The following ABCA10 variants were observed in gnomAD, a reference collection of about 807,000 sequenced individuals.
ABCA10 encodes ATP binding cassette subfamily A member 10.
In ABCA10, 169 loss-of-function variants were observed where a neutral mutation model predicts 187.5. The ratio of observed to expected loss-of-function variants is 0.90; its 90% CI spans 0.80 to 1.02. ABCA10 has a LOEUF of 1.02. Among genes scored for constraint, ABCA10 ranks in the 50% least tolerant of loss-of-function variants. The pLI is 0.00. For synonymous variants in ABCA10, 574 were observed against 601.8 expected (o/e 0.95, Z 0.68); for missense variants, 1,727 against 1,812.4 (o/e 0.95, Z 0.86).
chr17:69,160,090 C>T (rs549371850), intron 27 of ABCA10, among the ~76,000 whole-genome samples: 27 of 152,218 alleles, frequency 1.8e-4, no homozygotes, highest in African/African-American at 6.3e-4. Flanking sequence ...TTCAATACGA[C>T]ACTAAAAACA....
intron 25 of ABCA10, among the ~76,000 whole-genome samples, chr17:69,167,717 AAAG>A (rs2074264086): frequency 6.6e-6 from 1 of 152,182 alleles, no homozygotes; most frequent in African/African-American, 2.4e-5. Flanking sequence ...AGACAATCTG[AAAG>A]AAGGATTCTG....
chr17:69,170,964 T>C (rs1433561836), intron 25 of ABCA10, among the ~76,000 whole-genome samples: 1 of 152,206 alleles, frequency 6.6e-6, no homozygotes, highest in African/African-American at 2.4e-5. Flanking sequence ...GGGAATTCCT[T>C]GTAAATCCCA....
chr17:69,163,336 T>C (rs917721674), intron 27 of ABCA10, among the ~76,000 whole-genome samples: 4 of 152,120 alleles, frequency 2.6e-5, no homozygotes, highest in African/African-American at 9.7e-5. Context: ...TAAATCCCTA[T>C]TAAGTCTTGA....
At chr17:69,193,712 T>C in intron 13 of ABCA10, 100 bp from the exon 14 acceptor site, 11 of 1,551,374 alleles carry the variant, frequency 7.1e-6, no homozygotes, top group African/African-American at 1.4e-5. Context: ...CTTCGTTGAT[T>C]AAGCTTTACC....
intron 9 of ABCA10, among the ~76,000 whole-genome samples, chr17:69,204,465 T>C (rs1598113732): frequency 1.3e-5 from 2 of 152,210 alleles, no homozygotes; most frequent in East Asian, 3.8e-4. Context: ...AAGATAAACT[T>C]ACCTATCCTC....
At chr17:69,174,196 A>C in intron 25 of ABCA10, 85 bp downstream of exon 25, 1 of 998,942 alleles carries the variant, frequency 1.0e-6, no homozygotes, top group Non-Finnish European at 1.4e-6. Flanking sequence ...ATTCTCTTCT[A>C]AGCAAAGTAT....
chr17:69,220,702 G>A (rs535241439), intron 5 of ABCA10, among the ~76,000 whole-genome samples: 1 of 152,320 alleles, frequency 6.6e-6, no homozygotes, highest in Non-Finnish European at 1.5e-5. Flanking sequence ...CACACAGTCA[G>A]ATACATGGAG....
chr17:69,211,338 TATATATATATATATATATATATAC>T (rs1568070334), intron 9 of ABCA10, among the ~76,000 whole-genome samples: 1,815 of 114,090 alleles, frequency 0.016, 65 homozygotes, highest in African/African-American at 0.074. Context: ...TATATATATA[TATATATATATATATATATATATAC>T]ACACACACCA....
rs2074169875 is a variant in ABCA10 at position 69,155,863 on chromosome 17, T to C, written c.3518A>G (p.Asp1173Gly). The C allele has an allele frequency of 1.2e-6, 2 of 1,613,700 alleles. No homozygotes were observed. The highest frequency in any genetic ancestry group is 2.2e-5 in the South Asian group (2 of 91,082). ...NPEEPEEEDEDVQAERVQAAN... is the reference protein window; with the variant it reads ...NPEEPEEEDEGVQAERVQAAN... ...TGCTTGGACTCTTTCAGCTTGAACA[T>C]CTTCATCTTCTTCTTCGGGCTCTTC... Residue 1173 changes from aspartate to glycine, a missense_variant, in exon 29 of 39, where the codon GAT (aspartate) becomes GGT (glycine). By Grantham distance (94) the Asp-to-Gly change is moderately conservative (BLOSUM62 -1). Coordinates refer to ENST00000690296, the MANE Select transcript of ABCA10 (RefSeq NM_001377321.1).
chr17:69,173,462 C>T (rs564081409), intron 25 of ABCA10, among the ~76,000 whole-genome samples: 24 of 152,264 alleles, frequency 1.6e-4, no homozygotes, highest in South Asian at 1.2e-3. Context: ...CTAATCCCTT[C>T]ACCCTGTCCA....
chr17:69,193,756 A>AT, intron 13 of ABCA10, 58 bp downstream of exon 13: 1 of 1,581,932 alleles, frequency 6.3e-7, no homozygotes, highest in Non-Finnish European at 8.6e-7. Context: ...GAACAAAAAA[A>AT]ATATATAGTC....
chr17:69,162,805 A>G (rs115437108), intron 27 of ABCA10, among the ~76,000 whole-genome samples: 74 of 133,404 alleles, frequency 5.5e-4, no homozygotes, highest in African/African-American at 2.2e-3. Flanking sequence ...TGAAAAAATT[A>G]CATATATACA....
Position 69,193,517 on chromosome 17 carries a change from C to A in ABCA10, c.1617G>T (p.Gly539=). The change falls in exon 14 of 39, where the codon GGG becomes GGT. Residue 539 remains glycine (G), a synonymous_variant. Coordinates refer to ENST00000690296, the MANE Select transcript of ABCA10 (RefSeq NM_001377321.1). The part of the protein sequence containing the change: ...SGGQKRKLTL[G]IAILGDPQVL... ...CCTGAGGATCTCCTAAGATGGCAAT[C>A]CCTAGTGTTAGTTTTCTCTTCTGCC... 1.9e-6 allele frequency: 3 copies of A among 1,613,418 alleles called. No individual in the cohort carries two copies. In the South Asian group the frequency reaches 3.3e-5, roughly 18 times the overall value.
At chr17:69,199,414 C>T (rs2074528001) in intron 10 of ABCA10, among the ~76,000 whole-genome samples, 1 of 152,186 alleles carries the variant, frequency 6.6e-6, no homozygotes, top group Admixed American at 6.5e-5. Flanking sequence ...TCAATAGGAA[C>T]AGTCTGGTCC....
intron 1 of ABCA10, among the ~76,000 whole-genome samples, chr17:69,236,530 C>A (rs1187128360): frequency 1.3e-5 from 2 of 152,134 alleles, no homozygotes; most frequent in African/African-American, 4.8e-5. Context: ...TCCCTACTAC[C>A]TCAATCTGAG....
chr17:69,194,611 A>T (rs1032541053), intron 11 of ABCA10, 116 bp from the exon 12 acceptor site: 3 of 614,806 alleles, frequency 4.9e-6, no homozygotes, highest in Non-Finnish European at 8.3e-6. Context: ...ATTTTAATAC[A>T]TCCCCTATAA....
intron 25 of ABCA10, among the ~76,000 whole-genome samples, chr17:69,171,729 T>C (rs983423341): frequency 6.6e-6 from 1 of 152,202 alleles, no homozygotes; most frequent in South Asian, 2.1e-4. Flanking sequence ...AACTGACTGA[T>C]AGCAGACATC....
At chr17:69,207,307 C>G (rs2074598981) in intron 9 of ABCA10, among the ~76,000 whole-genome samples, 1 of 152,090 alleles carries the variant, frequency 6.6e-6, no homozygotes, top group Admixed American at 6.6e-5. Context: ...TAAATTAGTA[C>G]AACCATTATG....
At chr17:69,197,218 G>T (rs1358553464) in intron 10 of ABCA10, 96 bp from the exon 11 acceptor site, 3 of 956,080 alleles carry the variant, frequency 3.1e-6, no homozygotes, top group Non-Finnish European at 4.7e-6. Flanking sequence ...CACAGTAAAG[G>T]GTATCACTCT....
Sources: allele counts gnomAD v4.1 joint callset (sites outside exome capture counted in the v4.1 genomes callset), GRCh38; gene constraint gnomAD v4.1.1; transcripts MANE v1.5; gene names NCBI Gene and HGNC (gene_info 2026-07-23, HGNC 2026-07-21).